PLEKHA5: variants seen among roughly 807,000 people sequenced by gnomAD.
The protein encoded by PLEKHA5 is pleckstrin homology domain-containing family A member 5.
In PLEKHA5, 55 loss-of-function variants were observed where a neutral mutation model predicts 181.9. The ratio of observed to expected loss-of-function variants is 0.30; its 90% CI spans 0.24 to 0.38. The LOEUF (loss-of-function observed/expected upper bound fraction) is 0.38. Ranked by LOEUF, PLEKHA5 falls within the 10% of genes least tolerant of loss-of-function variation. PLEKHA5 has a pLI of 1.00. For synonymous variants in PLEKHA5, 535 were observed against 529.4 expected (o/e 1.01, Z -0.15); for missense variants, 1,432 against 1,549.5 (o/e 0.92, Z 1.27).
At chr12:19,231,554 T>G (rs2060562152) in intron 3 of PLEKHA5, among the ~76,000 whole-genome samples, 1 of 147,498 alleles carries the variant, frequency 6.8e-6, no homozygotes, top group Admixed American at 6.8e-5. Context: ...GTATATATAT[T>G]TATATATGTA....
chr12:19,273,932 G>C (rs527431376), intron 10 of PLEKHA5, among the ~76,000 whole-genome samples: 1 of 152,222 alleles, frequency 6.6e-6, no homozygotes, highest in African/African-American at 2.4e-5. Context: ...TACTTTGCCT[G>C]AAGACTCAGC....
At chr12:19,246,921 A>G (rs2063908084) in intron 3 of PLEKHA5, among the ~76,000 whole-genome samples, 1 of 151,992 alleles carries the variant, frequency 6.6e-6, no homozygotes, top group African/African-American at 2.4e-5. Flanking sequence ...GGCTTTTATT[A>G]TTTTAACTGG....
At position 19,192,106 on chromosome 12, in the gene PLEKHA5, G is replaced by T. The variant is rs559917668; in HGVS notation, c.227+59656G>T. On this transcript the variant is annotated intron_variant, in intron 3 of 31. Transcript: ENST00000429027. Reference sequence around the variant, plus strand: ...TAAAAGGATATCTTTATTAACAATTGACTTGAATTTAAAAAAAATTTTAGT... The same window carrying T: ...TAAAAGGATATCTTTATTAACAATTTACTTGAATTTAAAAAAAATTTTAGT... Among the ~76,000 whole-genome samples the T allele has an allele frequency of 2.1e-4, 32 of 152,042 alleles. No homozygotes were observed. The South Asian group carries it at 6.2e-3, about 30-fold the overall frequency.
At chr12:19,231,760 C>T (rs1256220516) in intron 3 of PLEKHA5, among the ~76,000 whole-genome samples, 3 of 149,568 alleles carry the variant, frequency 2.0e-5, no homozygotes, top group African/African-American at 7.6e-5. Flanking sequence ...TTTTTTATTA[C>T]TACTATATAT....
At position 19,257,427 on chromosome 12, in the gene PLEKHA5, A is replaced by G. The variant is rs200644310; in HGVS notation, c.433-6A>G. On this transcript the variant is annotated splice_region_variant and splice_polypyrimidine_tract_variant and intron_variant, in intron 5 of 31. Coordinates refer to ENST00000429027, the MANE Select transcript of PLEKHA5 (RefSeq NM_001256470.2). The stretch of plus-strand genomic sequence containing the variant: ...ACATTTTCTGTCATGCTCTTTTTCT[A>G]TTTAGACTTCACGAGCTTCAAAAAA... The G allele has an allele frequency of 4.5e-4, 658 of 1,450,496 alleles. 5 individuals are homozygous for G. The African/African-American group carries it at 8.6e-3, about 19-fold the overall frequency. The allele number at this position is 1,450,496 out of a possible 1,614,324, so 89.9% of individuals were successfully genotyped here.
intron 8 of PLEKHA5, among the ~76,000 whole-genome samples, chr12:19,266,253 C>T (rs1469267837): frequency 6.6e-6 from 1 of 151,216 alleles, no homozygotes; most frequent in African/African-American, 2.4e-5. Flanking sequence ...GTGGGAGGAT[C>T]ACTTGAGTCC....
At chr12:19,159,197 C>T (rs2042421789) in intron 3 of PLEKHA5, among the ~76,000 whole-genome samples, 1 of 152,168 alleles carries the variant, frequency 6.6e-6, no homozygotes, top group South Asian at 2.1e-4. Context: ...ATTAGCCTCC[C>T]TCTGTTTATT....
At chr12:19,283,835 A>T in intron 12 of PLEKHA5, 90 bp downstream of exon 12, 1 of 770,870 alleles carries the variant, frequency 1.3e-6, no homozygotes, top group South Asian at 1.8e-5. Context: ...GAGAGACAAA[A>T]GAATGGGGAT....
chr12:19,337,867 A>G (rs927595224), intron 21 of PLEKHA5, among the ~76,000 whole-genome samples: 1 of 151,768 alleles, frequency 6.6e-6, no homozygotes, highest in Non-Finnish European at 1.5e-5. Context: ...GCCCATCTCT[A>G]CTAAAAATAC....
At chr12:19,328,560 T>A (rs1325305636) in intron 20 of PLEKHA5, among the ~76,000 whole-genome samples, 1 of 3,282 alleles carries the variant, frequency 3.0e-4, no homozygotes, top group African/African-American at 1.2e-3. Context: ...TTCCTAGGAG[T>A]GTGTGTGTGT....
chr12:19,129,888 A>G lies in PLEKHA5; in HGVS notation c.89A>G (p.Asn30Ser). The G allele has an allele frequency of 6.3e-7, 1 of 1,599,160 alleles. No individual in the cohort carries two copies. Among genetic ancestry groups the G allele is most frequent in the Non-Finnish European group, 8.5e-7 (1 of 1,173,318 alleles). The part of the protein sequence containing the change: ...ITRGGRVFFI[N>S]EEAKSTTWLH... The stretch of plus-strand genomic sequence containing the variant: ...AGGGGCGGCCGAGTCTTCTTCATCA[A>G]GTAAAGAGCCGGGGACGGCACGGGG... The change falls in exon 1 of 32, where the codon AAC (asparagine) becomes AGC (serine). Residue 30 changes from asparagine (N) to serine (S), a missense_variant and splice_region_variant. Physicochemically the swap from Asn to Ser is conservative, Grantham distance 46. Coordinates refer to ENST00000429027, the MANE Select transcript of PLEKHA5 (RefSeq NM_001256470.2).
intron 31 of PLEKHA5, 107 bp downstream of exon 31, chr12:19,369,905 G>C: frequency 2.0e-6 from 1 of 491,632 alleles, no homozygotes; most frequent in Non-Finnish European, 3.5e-6. Flanking sequence ...ACTGTACATA[G>C]GGATAGTTGG....
At chr12:19,335,149 C>T in intron 20 of PLEKHA5, among the ~76,000 whole-genome samples, 1 of 150,002 alleles carries the variant, frequency 6.7e-6, no homozygotes, top group Non-Finnish European at 1.5e-5. Context: ...CCACCTCAGC[C>T]CTGCCCCGAG....
intron 3 of PLEKHA5, among the ~76,000 whole-genome samples, chr12:19,133,569 T>G (rs1489219029): frequency 1.3e-5 from 2 of 151,994 alleles, no homozygotes; most frequent in African/African-American, 4.8e-5. Flanking sequence ...CTGTGACATT[T>G]TTAAGATCAT....
At chr12:19,197,536 AC>A (rs1281545193) in intron 3 of PLEKHA5, among the ~76,000 whole-genome samples, 2 of 152,062 alleles carry the variant, frequency 1.3e-5, no homozygotes, top group East Asian at 1.9e-4. Flanking sequence ...TTTCTAATGT[AC>A]TACATCGTTT....
chr12:19,309,140 T>G (rs528777203), intron 15 of PLEKHA5, among the ~76,000 whole-genome samples: 73 of 152,282 alleles, frequency 4.8e-4, no homozygotes, highest in Admixed American at 1.5e-3. Context: ...TTGGTTTAAC[T>G]TTGGACGGTT....
chr12:19,203,942 A>G (rs1436766618), intron 3 of PLEKHA5, among the ~76,000 whole-genome samples: 1 of 152,032 alleles, frequency 6.6e-6, no homozygotes, highest in Non-Finnish European at 1.5e-5. Context: ...TACTCTTTCT[A>G]CAGAACTACC....
chr12:19,357,630 T>C (rs1433171609), intron 26 of PLEKHA5, among the ~76,000 whole-genome samples: 1 of 151,850 alleles, frequency 6.6e-6, no homozygotes, highest in East Asian at 1.9e-4. Flanking sequence ...TTTGTTTGTT[T>C]GTTTGTTTGT....
intron 3 of PLEKHA5, among the ~76,000 whole-genome samples, chr12:19,190,999 A>G (rs2050983053): frequency 6.6e-6 from 1 of 152,212 alleles, no homozygotes; most frequent in Non-Finnish European, 1.5e-5. Context: ...CCTATGATGT[A>G]AACATATTTG....
Sources: gnomAD v4.1 joint callset for allele counts (sites outside exome capture counted in the v4.1 genomes callset) on GRCh38, gnomAD v4.1.1 for gene constraint, MANE v1.5 for transcripts, NCBI Gene and HGNC (gene_info 2026-07-23, HGNC 2026-07-21) for gene names.